The following ARHGEF10 variants were observed in gnomAD, a reference collection of about 807,000 sequenced individuals.
ARHGEF10 encodes the protein Rho guanine nucleotide exchange factor (GEF) 10.
Under a neutral mutation model 147.4 loss-of-function variants are expected in ARHGEF10, and 140 were observed. The observed-to-expected ratio is 0.95, with a 90% CI of 0.83 to 1.09. The LOEUF is 1.09. Ranked by LOEUF, ARHGEF10 falls within the 50% of genes least tolerant of loss-of-function variation. ARHGEF10 has a pLI of 0.00. For synonymous variants in ARHGEF10, 902 were observed against 695.8 expected (o/e 1.30, Z -4.67); for missense variants, 2,222 against 1,752.7 (o/e 1.27, Z -4.78).
chr8:1,832,728 ACAGAGG>A (rs767431666), intron 1 of ARHGEF10, among the ~76,000 whole-genome samples: 10,267 of 103,952 alleles, frequency 0.099, 1,936 homozygotes, highest in East Asian at 0.19. Context: ...GCAGAGAGAG[ACAGAGG>A]CAGAGGCAGA....
At chr8:1,850,122 A>G (rs1804963813) in intron 2 of ARHGEF10, among the ~76,000 whole-genome samples, 3 of 134,106 alleles carry the variant, frequency 2.2e-5, no homozygotes, top group Admixed American at 7.3e-5. Context: ...GCATGGACAC[A>G]GAGGGCAAAT....
Position 1,952,710 on chromosome 8 carries a change from C to T in ARHGEF10, c.3403C>T (p.Gln1135Ter). ...ACTCATGTCTTTCCGCCCAGGGCAC[C>T]AGCGGCTGTCGGTGACGAGCCTGCT... is the stretch of plus-strand genomic sequence containing the variant. ...TPVHNMLPGH[Q>*]RLSVTSLLVC... The change falls in exon 28 of 29, where the codon CAG (glutamine) becomes TAG (stop). Residue 1135 changes from glutamine to a stop codon, truncating the protein, a stop_gained. Transcript: ENST00000349830. LOFTEE classifies it high-confidence loss of function. 6.2e-7 allele frequency: 1 copy of T among 1,613,032 alleles called. No individual in the cohort carries two copies. The highest frequency in any genetic ancestry group is 8.5e-7 in the Non-Finnish European group (1 of 1,179,908).
chr8:1,915,094 C>T (rs750242810), intron 18 of ARHGEF10, among the ~76,000 whole-genome samples: 5 of 152,148 alleles, frequency 3.3e-5, no homozygotes, highest in African/African-American at 4.8e-5. Flanking sequence ...GCTCATGCGG[C>T]GTGTTCAGTG....
At chr8:1,906,806 G>T (rs1411719476) in intron 17 of ARHGEF10, among the ~76,000 whole-genome samples, 3 of 152,338 alleles carry the variant, frequency 2.0e-5, no homozygotes, top group African/African-American at 7.2e-5. Context: ...AGCTGCTGCA[G>T]GGCACCTGGC....
intron 18 of ARHGEF10, among the ~76,000 whole-genome samples, chr8:1,910,564 G>T (rs1377963305): frequency 6.6e-6 from 1 of 152,174 alleles, no homozygotes; most frequent in Non-Finnish European, 1.5e-5. Flanking sequence ...CCAAAACCCA[G>T]ATTTCCCAAA....
intron 2 of ARHGEF10, among the ~76,000 whole-genome samples, chr8:1,845,584 C>T (rs1804494310): frequency 6.6e-6 from 1 of 152,226 alleles, no homozygotes; most frequent in Admixed American, 6.5e-5. Context: ...CAGATGGATG[C>T]TGCCTTTCAC....
At chr8:1,838,763 T>C (rs1401093636) in intron 1 of ARHGEF10, among the ~76,000 whole-genome samples, 5 of 152,176 alleles carry the variant, frequency 3.3e-5, no homozygotes, top group African/African-American at 1.2e-4. Flanking sequence ...CCATCTGGCA[T>C]GGGGGCTGTC....
At chr8:1,904,716 G>A (rs1810745099) in intron 16 of ARHGEF10, among the ~76,000 whole-genome samples, 1 of 152,162 alleles carries the variant, frequency 6.6e-6, no homozygotes, top group East Asian at 1.9e-4. Context: ...GACATTCAGG[G>A]AGGCGGGTGT....
intron 1 of ARHGEF10, among the ~76,000 whole-genome samples, chr8:1,830,490 A>G (rs752503076): frequency 4.6e-5 from 7 of 152,202 alleles, no homozygotes; most frequent in Non-Finnish European, 8.8e-5. Context: ...TTTAACTTCT[A>G]TAAAAAGAAA....
chr8:1,876,767 C>G (rs1432134786), intron 8 of ARHGEF10, 33 bp downstream of exon 8: 2 of 1,612,194 alleles, frequency 1.2e-6, no homozygotes, highest in African/African-American at 1.3e-5. Context: ...AGGGATGGTT[C>G]TCTCGCGTTA....
intron 26 of ARHGEF10, among the ~76,000 whole-genome samples, chr8:1,942,496 T>G (rs941074427): frequency 1.1e-4 from 16 of 152,006 alleles, no homozygotes; most frequent in Non-Finnish European, 1.8e-4. Flanking sequence ...GGGAGACTCT[T>G]GCTGGTGGGA....
At position 1,862,587 on chromosome 8, in the gene ARHGEF10, G is replaced by A. The variant is rs532691618; in HGVS notation, c.482-1786G>A. Among the ~76,000 whole-genome samples, 6 of 152,316 alleles carry A rather than the reference G, an allele frequency of 3.9e-5. No homozygotes were observed. The South Asian group carries it at 1.0e-3, about 26-fold the overall frequency. ...GGAAAGAAGAGTTTCCTGGGGTGGA[G>A]CCCTGAGAGGGCTCATGTGTGTGCT... On this transcript the variant is annotated intron_variant, in intron 4 of 28. Coordinates refer to ENST00000349830, the MANE Select transcript of ARHGEF10 (RefSeq NM_014629.4).
rs758152013 is a variant in ARHGEF10, at chr8:1,909,436, G to A, written c.2109G>A (p.Pro703=). 1.9e-5 allele frequency: 31 copies of A among 1,614,098 alleles called. No homozygotes were observed. In the South Asian group the frequency reaches 2.5e-4, roughly 13 times the overall value. The change falls in exon 18 of 29, where the codon CCG becomes CCA. Residue 703 remains proline (P), a synonymous_variant. Transcript: ENST00000349830. ...EHSRHLAVHP[P]ESLAVVANAK... is the part of the protein sequence containing the mutation. ...GCAGGCACCTTGCCGTTCACCCGCC[G>A]GAGAGCCTGGCCGTGGTTGCTAACG... is the stretch of plus-strand genomic sequence containing the variant.
intron 2 of ARHGEF10, among the ~76,000 whole-genome samples, chr8:1,854,100 G>T (rs1585273277): frequency 6.6e-6 from 1 of 152,196 alleles, no homozygotes; most frequent in East Asian, 1.9e-4. Context: ...ATTCTGCATT[G>T]CACTTCACTA....
At chr8:1,856,219 C>T (rs1025010912) in intron 2 of ARHGEF10, among the ~76,000 whole-genome samples, 2 of 152,220 alleles carry the variant, frequency 1.3e-5, no homozygotes, top group African/African-American at 4.8e-5. Context: ...TTAAAAATAA[C>T]ACATTTCTGA....
chr8:1,952,671 C>G lies in ARHGEF10; in HGVS notation c.3398-34C>G, dbSNP rs749021912. On this transcript the variant is annotated intron_variant, in intron 27 of 28. Coordinates refer to ENST00000349830, the MANE Select transcript of ARHGEF10 (RefSeq NM_014629.4). ...CGCCCCACCAACTCTGCTACACAAA[C>G]CAGACCCGAAGCCACTCATGTCTTT... 11 of 1,612,298 alleles carry G rather than the reference C, an allele frequency of 6.8e-6. No homozygotes were observed. The Admixed American group carries it at 1.2e-4, about 17-fold the overall frequency.
In ARHGEF10 at chr8:1,923,852, A is replaced by G; in HGVS notation, c.2466A>G (p.Leu822=). ...PAIKESWVNS[L]QMAKLALEEE... is the part of the protein sequence containing the mutation. ...TCAAGGAGTCCTGGGTCAACAGCTT[A>G]CAGATGGCCAAGCTCGCCCTAGGTA... Residue 822 remains leucine (L), a synonymous_variant, in exon 21 of 29, where the codon TTA becomes TTG. Transcript: ENST00000349830. 1 of 1,614,188 alleles carries G rather than the reference A, an allele frequency of 6.2e-7. No individual in the cohort carries two copies. The highest frequency in any genetic ancestry group is 1.3e-5 in the African/African-American group (1 of 75,046).
At position 1,928,660 on chromosome 8, in the gene ARHGEF10, G is replaced by A; in HGVS notation, c.2921+10G>A. The A allele has an allele frequency of 6.2e-7, 1 of 1,613,692 alleles. No individual in the cohort carries two copies. On this transcript the variant is annotated intron_variant, in intron 24 of 28. Transcript: ENST00000349830. ...GGACGGAGGAGGGAAGGTAGGGCATGCTCACTGCGTTACAGAGAATTAGCA... is the reference window on the plus strand; with the variant it reads ...GGACGGAGGAGGGAAGGTAGGGCATACTCACTGCGTTACAGAGAATTAGCA...
Position 1,957,596 on chromosome 8 carries a change from A to T in ARHGEF10, c.*333A>T, listed in dbSNP as rs900127874. On this transcript the variant is annotated 3_prime_UTR_variant, in exon 29 of 29. Coordinates refer to ENST00000349830, the MANE Select transcript of ARHGEF10 (RefSeq NM_014629.4). Reference sequence around the variant, plus strand: ...AAATGTTAAACTTCATCAGCGTCAGACCTATTGTATCATATTAGAGAATTT... The same window carrying T: ...AAATGTTAAACTTCATCAGCGTCAGTCCTATTGTATCATATTAGAGAATTT... 1 of 372,080 alleles carries T rather than the reference A, an allele frequency of 2.7e-6. No individual in the cohort carries two copies. The highest frequency in any genetic ancestry group is 4.9e-6 in the Non-Finnish European group (1 of 203,850). 23.0% of individuals were successfully genotyped at this position (372,080 alleles called of 1,614,324 possible). A position where few individuals can be genotyped will look rare whatever the true frequency, so the allele number is the denominator to read the frequency against.
Sources: allele counts gnomAD v4.1 joint callset (sites outside exome capture counted in the v4.1 genomes callset), GRCh38; gene constraint gnomAD v4.1.1; transcripts MANE v1.5; gene names NCBI Gene and HGNC (gene_info 2026-07-23, HGNC 2026-07-21).